Variants in ABCA5 observed in about 807,000 individuals in gnomAD.
The protein encoded by ABCA5 is ATP binding cassette subfamily A member 5.
ABCA5 carries 163 observed loss-of-function variants against 206.0 expected under a neutral mutation model. The ratio of observed to expected loss-of-function variants is 0.79; its 90% CI spans 0.70 to 0.90. The LOEUF (loss-of-function observed/expected upper bound fraction) is 0.90. Among genes scored for constraint, ABCA5 ranks in the 40% least tolerant of loss-of-function variants. ABCA5 has a pLI of 0.00. For synonymous variants in ABCA5, 609 were observed against 613.8 expected (o/e 0.99, Z 0.11); for missense variants, 1,859 against 1,912.9 (o/e 0.97, Z 0.53).
Position 69,304,791 on chromosome 17 carries a change from A to G in ABCA5, c.808T>C (p.Tyr270His). The change falls in exon 7 of 39, where the codon TAT becomes CAT. Residue 270 changes from tyrosine to histidine, a missense_variant. Tyr to His is a moderately conservative substitution (Grantham distance 83). Coordinates refer to ENST00000392676, the MANE Select transcript of ABCA5 (RefSeq NM_172232.4). ...TAFWLSWVLL[Y>H]TSLIFLMSLL... ...GACATAAGAAAAATTAAACTTGTAT[A>G]TAGAAGAACCCAGGAAAGCCTAAAA... 6.2e-7 allele frequency: 1 copy of G among 1,601,276 alleles called. No homozygotes were observed. Among genetic ancestry groups the G allele is most frequent in the Non-Finnish European group, 8.5e-7 (1 of 1,174,614 alleles).
At chr17:69,320,064 A>G (rs539267090) in intron 1 of ABCA5, among the ~76,000 whole-genome samples, 63 of 152,360 alleles carry the variant, frequency 4.1e-4, no homozygotes, top group Non-Finnish European at 5.9e-4. Flanking sequence ...GACTAAAAGA[A>G]TTAATACATG....
At chr17:69,291,399 T>G in intron 11 of ABCA5, 73 bp from the exon 12 acceptor site, 1 of 925,490 alleles carries the variant, frequency 1.1e-6, no homozygotes, top group Non-Finnish European at 1.7e-6. Flanking sequence ...TTCATAATAT[T>G]TGAGCAATCT....
At chr17:69,304,949 T>C (rs2075701433) in intron 6 of ABCA5, 139 bp from the exon 7 acceptor site, 3 of 637,172 alleles carry the variant, frequency 4.7e-6, no homozygotes, top group African/African-American at 2.0e-5. Flanking sequence ...TATGCTTATG[T>C]ACTAAAAATT....
At chr17:69,306,654 T>TA (rs879388740) in intron 6 of ABCA5, 71 bp downstream of exon 6, 189 of 765,778 alleles carry the variant, frequency 2.5e-4, no homozygotes, top group Non-Finnish European at 5.2e-5. Flanking sequence ...ATATCAAAAT[T>TA]ACAATTTTGA....
chr17:69,301,641 T>C (rs1487419319), intron 8 of ABCA5, among the ~76,000 whole-genome samples: 2 of 152,122 alleles, frequency 1.3e-5, no homozygotes, highest in African/African-American at 2.4e-5. Flanking sequence ...TTATGATCCA[T>C]ATGAAAGCCA....
chr17:69,299,467 C>T (rs1483599650), intron 9 of ABCA5, among the ~76,000 whole-genome samples: 1 of 139,540 alleles, frequency 7.2e-6, no homozygotes, highest in African/African-American at 2.6e-5. Context: ...CACACACACA[C>T]ACATACACAC....
rs2074962898 is a variant in ABCA5, at chr17:69,247,391, C to T, written c.*146G>A. The T allele has an allele frequency of 5.2e-6, 3 of 575,562 alleles. No individual in the cohort carries two copies. Among genetic ancestry groups the T allele is most frequent in the Admixed American group, 3.6e-5 (1 of 27,846 alleles). The allele number at this position is 575,562 out of a possible 1,614,324, so 35.7% of individuals were successfully genotyped here. Reference sequence around the variant, plus strand: ...TTTAAAGAAAAGCAAAACACACAACCACAGCATTTCAATTAAGGAGCTTAG... The same window carrying T: ...TTTAAAGAAAAGCAAAACACACAACTACAGCATTTCAATTAAGGAGCTTAG... On this transcript the variant is annotated 3_prime_UTR_variant, in exon 39 of 39. Transcript: ENST00000392676.
In ABCA5 at chr17:69,303,831, T is replaced by C. The variant is rs1405592141; in HGVS notation, c.930+838A>G. ...ATACATACATATATATATATGTATA[T>C]ATATATATACATACATATATATATG... On this transcript the variant is annotated intron_variant, in intron 7 of 38. Transcript: ENST00000392676. Among the ~76,000 whole-genome samples the C allele has an allele frequency of 7.9e-4, 22 of 27,728 alleles. 1 individual carries two copies. The highest frequency in any genetic ancestry group is 1.7e-3 in the South Asian group (1 of 606). The allele number at this position is 27,728 out of a possible 152,430, so 18.2% of individuals were successfully genotyped here.
At chr17:69,292,610 A>G (rs562184606) in intron 11 of ABCA5, among the ~76,000 whole-genome samples, 6 of 152,244 alleles carry the variant, frequency 3.9e-5, no homozygotes, top group African/African-American at 1.4e-4. Context: ...GCTTCTTTGC[A>G]TTAGAAACAA....
At chr17:69,263,183 T>C (rs1411357929) in intron 24 of ABCA5, among the ~76,000 whole-genome samples, 1 of 152,192 alleles carries the variant, frequency 6.6e-6, no homozygotes, top group Non-Finnish European at 1.5e-5. Context: ...CTGTATGTTA[T>C]CCATTTACTC....
chr17:69,258,727 GAATA>G (rs149287786), intron 28 of ABCA5, among the ~76,000 whole-genome samples: 2,194 of 152,002 alleles, frequency 0.014, 23 homozygotes, highest in Non-Finnish European at 0.023. Flanking sequence ...AATTTATATG[GAATA>G]AATATGTAGT....
chr17:69,306,255 G>A (rs941718682), intron 6 of ABCA5, among the ~76,000 whole-genome samples: 7 of 151,626 alleles, frequency 4.6e-5, no homozygotes, highest in Non-Finnish European at 7.4e-5. Flanking sequence ...TAAAACTTTC[G>A]AGGGAAAAAA....
chr17:69,287,878 A>AT (rs886291613), intron 14 of ABCA5, 127 bp from the exon 15 acceptor site: 3 of 879,538 alleles, frequency 3.4e-6, no homozygotes, highest in South Asian at 3.9e-5. Flanking sequence ...ATTAGATCAG[A>AT]TTTTTTCATT....
intron 14 of ABCA5, among the ~76,000 whole-genome samples, chr17:69,288,290 T>C (rs1340313240): frequency 6.6e-6 from 1 of 152,102 alleles, no homozygotes; most frequent in Non-Finnish European, 1.5e-5. Flanking sequence ...CCTAGCTGCA[T>C]GCATGCACCT....
Position 69,277,810 on chromosome 17 carries a change from C to T in ABCA5, c.2425G>A (p.Glu809Lys). 2 of 1,574,896 alleles carry T rather than the reference C, an allele frequency of 1.3e-6. No individual in the cohort carries two copies. The highest frequency in any genetic ancestry group is 1.4e-5 in the African/African-American group (1 of 72,970). The change falls in exon 19 of 39, where the codon GAA becomes AAA. Residue 809 changes from glutamate (E) to lysine (K), a missense_variant. By Grantham distance (56) the Glu-to-Lys change is moderately conservative. Coordinates refer to ENST00000392676, the MANE Select transcript of ABCA5 (RefSeq NM_172232.4). ...YSVFTQQPLE[E>K]EMDSKSFDEM... is the part of the protein sequence containing the mutation. ...TCAAAAGATTTTGAATCCATTTCTT[C>T]CTCCAGTGGCTGCTGAGTAAATACA...
chr17:69,261,319 G>T, intron 25 of ABCA5, 60 bp from the exon 26 acceptor site: 2 of 1,477,344 alleles, frequency 1.4e-6, no homozygotes, highest in Non-Finnish European at 1.8e-6. Flanking sequence ...TTACAAATTG[G>T]TGTCTACGCA....
chr17:69,256,747 T>C (rs992142657), intron 28 of ABCA5, among the ~76,000 whole-genome samples: 1 of 152,148 alleles, frequency 6.6e-6, no homozygotes, highest in Non-Finnish European at 1.5e-5. Flanking sequence ...CAAGCCACCA[T>C]GCCCAGCCAC....
chr17:69,322,657 ATCTAAT>A (rs1260737190), intron 1 of ABCA5, among the ~76,000 whole-genome samples: 1 of 151,148 alleles, frequency 6.6e-6, no homozygotes, highest in Non-Finnish European at 1.5e-5. Context: ...TCCATCACTT[ATCTAAT>A]GATACCATTA....
chr17:69,301,132 T>C lies in ABCA5; in HGVS notation c.1267+7A>G. On this transcript the variant is annotated splice_region_variant and intron_variant, in intron 9 of 38. Transcript: ENST00000392676. ...TTTAAAGTAAAATTCAAAAACCATCTGCATACCTGGAATGACTTGATCAAG... is the reference window on the plus strand; with the variant it reads ...TTTAAAGTAAAATTCAAAAACCATCCGCATACCTGGAATGACTTGATCAAG... 1 of 1,498,128 alleles carries C rather than the reference T, an allele frequency of 6.7e-7. No individual in the cohort carries two copies. The highest frequency in any genetic ancestry group is 1.5e-5 in the South Asian group (1 of 68,880). The allele number at this position is 1,498,128 out of a possible 1,614,324, so 92.8% of individuals were successfully genotyped here.
Sources: allele counts gnomAD v4.1 joint callset (sites outside exome capture counted in the v4.1 genomes callset), GRCh38; gene constraint gnomAD v4.1.1; transcripts MANE v1.5; gene names NCBI Gene and HGNC (gene_info 2026-07-23, HGNC 2026-07-21).